Variants in NEBL observed in about 807,000 individuals in gnomAD.
NEBL encodes LIM and SH3 protein 2.
NEBL carries 122 observed loss-of-function variants against 140.2 expected under a neutral mutation model. The ratio of observed to expected loss-of-function variants is 0.87; its 90% CI spans 0.75 to 1.01. NEBL has a LOEUF of 1.01. Among genes scored for constraint, NEBL ranks in the 50% least tolerant of loss-of-function variants. The probability of loss-of-function intolerance (pLI) is 0.00; values close to 1 mark genes in which losing one functional copy is unlikely to be tolerated. For synonymous variants in NEBL, 436 were observed against 398.9 expected (o/e 1.09, Z -1.11); for missense variants, 1,365 against 1,231.3 (o/e 1.11, Z -1.62).
chr10:21,242,119 T>C (rs1842447672), intron 3 of NEBL, among the ~76,000 whole-genome samples: 4 of 152,100 alleles, frequency 2.6e-5, no homozygotes, highest in Admixed American at 2.6e-4. Flanking sequence ...GGAGAATCAC[T>C]TGAGCCTGGG....
intron 5 of NEBL, among the ~76,000 whole-genome samples, chr10:20,871,781 C>T (rs1400912251): frequency 4.6e-5 from 7 of 152,126 alleles, no homozygotes; most frequent in Middle Eastern, 3.4e-3. Context: ...AAAATAAGGC[C>T]GAAACTGAGT....
chr10:21,240,646 G>A (rs1842426623), intron 3 of NEBL, among the ~76,000 whole-genome samples: 1 of 152,192 alleles, frequency 6.6e-6, no homozygotes, highest in South Asian at 2.1e-4. Context: ...GATATTAGAT[G>A]TGTGAAATAT....
intron 3 of NEBL, among the ~76,000 whole-genome samples, chr10:21,219,073 G>T (rs1229433148): frequency 1.3e-5 from 2 of 152,160 alleles, no homozygotes; most frequent in Non-Finnish European, 2.9e-5. Context: ...TGCCACAGTG[G>T]CATATTTTGG....
At chr10:20,932,419 CT>C (rs1207063581) in intron 4 of NEBL, among the ~76,000 whole-genome samples, 1 of 149,874 alleles carries the variant, frequency 6.7e-6, no homozygotes, top group Admixed American at 6.7e-5. Flanking sequence ...GGGCCTGGGG[CT>C]GGGGGGTGGG....
chr10:21,117,242 GA>G (rs1391498364), intron 2 of NEBL, among the ~76,000 whole-genome samples: 35 of 142,860 alleles, frequency 2.4e-4, no homozygotes, highest in South Asian at 6.7e-4. Context: ...GGTGATAGGG[GA>G]AAAAAAAAAA....
intron 24 of NEBL, among the ~76,000 whole-genome samples, chr10:20,810,230 A>G (rs1054894935): frequency 1.3e-5 from 2 of 152,294 alleles, no homozygotes; most frequent in African/African-American, 4.8e-5. Flanking sequence ...ATCCCCTCAC[A>G]GCACCCCTGA....
upstream of NEBL, among the ~76,000 whole-genome samples, chr10:20,898,439 A>G (rs571693649): frequency 2.8e-4 from 26 of 93,132 alleles, no homozygotes; most frequent in African/African-American, 9.6e-4. Context: ...TTTTCAATGT[A>G]CTGTAAAAAA....
intron 2 of NEBL, among the ~76,000 whole-genome samples, chr10:21,093,423 C>A (rs1837019093): frequency 6.6e-6 from 1 of 152,062 alleles, no homozygotes; most frequent in South Asian, 2.1e-4. Flanking sequence ...CTCCTCTCAC[C>A]CATCAAGTCA....
At chr10:21,079,266 G>C in intron 2 of NEBL, among the ~76,000 whole-genome samples, 1 of 152,148 alleles carries the variant, frequency 6.6e-6, no homozygotes, top group East Asian at 1.9e-4. Context: ...AAGAAAATGA[G>C]GAGGTGAAGA....
At chr10:21,007,184 G>T (rs924334616) in intron 3 of NEBL, among the ~76,000 whole-genome samples, 16 of 152,234 alleles carry the variant, frequency 1.1e-4, no homozygotes, top group African/African-American at 3.9e-4. Flanking sequence ...TAAGTCAGGG[G>T]TCAGGTCTTT....
At chr10:20,854,236 G>C (rs916581299) in intron 9 of NEBL, among the ~76,000 whole-genome samples, 1 of 152,118 alleles carries the variant, frequency 6.6e-6, no homozygotes, top group Non-Finnish European at 1.5e-5. Context: ...CAATAGAGTG[G>C]AGGGATCCAA....
At chr10:20,961,529 G>C in intron 4 of NEBL, 1 of 736,404 alleles carries the variant, frequency 1.4e-6, no homozygotes, top group Admixed American at 1.8e-5. Context: ...GGGTTTACCA[G>C]ATGAAATTGG....
intron 3 of NEBL, among the ~76,000 whole-genome samples, chr10:21,007,720 C>T (rs1838189209): frequency 6.6e-6 from 1 of 152,116 alleles, no homozygotes; most frequent in Non-Finnish European, 1.5e-5. Context: ...AATGAACAAA[C>T]TACACAGAGA....
intron 3 of NEBL, among the ~76,000 whole-genome samples, chr10:21,188,718 A>C (rs1309689017): frequency 6.7e-6 from 1 of 149,546 alleles, no homozygotes; most frequent in African/African-American, 2.5e-5. Flanking sequence ...TTCCTGCCTC[A>C]GCCTCCCGGG....
intron 1 of NEBL, among the ~76,000 whole-genome samples, chr10:21,277,208 CTT>C (rs1260862410): frequency 6.0e-5 from 8 of 133,512 alleles, no homozygotes; most frequent in Admixed American, 7.6e-5. Context: ...ATATTTCTTT[CTT>C]TTTTTTTTTT....
At chr10:20,940,075 C>A (rs1425010532) in intron 4 of NEBL, among the ~76,000 whole-genome samples, 1 of 151,820 alleles carries the variant, frequency 6.6e-6, no homozygotes, top group Non-Finnish European at 1.5e-5. Flanking sequence ...CAGCTCTGCA[C>A]CAAGCGGACT....
chr10:21,238,354 A>G (rs1842388800), intron 3 of NEBL, among the ~76,000 whole-genome samples: 1 of 152,216 alleles, frequency 6.6e-6, no homozygotes, highest in African/African-American at 2.4e-5. Flanking sequence ...GCTCAGAGGC[A>G]TAATCTAGCT....
rs35627113 is a variant in NEBL at position 20,992,765 on chromosome 10, C to CTT, written c.249+27350_249+27351dup. 1.8e-3 allele frequency among the ~76,000 whole-genome samples: 96 copies of CTT among 52,462 alleles called. 15 individuals carry two copies. Among genetic ancestry groups the CTT allele is most frequent in the African/African-American group, 2.5e-3 (30 of 11,816 alleles). 34.4% of individuals were successfully genotyped at this position (52,462 alleles called of 152,430 possible). On this transcript the variant is annotated intron_variant, in intron 3 of 6. Transcript: ENST00000417816. ...AATCAGTCATTTGCAACTACAAAGT[C>CTT]TTTTTTTTTTTTTTTTTTTTTTTTT... is the stretch of plus-strand genomic sequence containing the variant.
At chr10:21,128,661 C>CA (rs1402968604) in intron 2 of NEBL, among the ~76,000 whole-genome samples, 1 of 150,966 alleles carries the variant, frequency 6.6e-6, no homozygotes, top group Non-Finnish European at 1.5e-5. Flanking sequence ...AGAACAAAAG[C>CA]AAAAAAAAGG....
Sources: allele counts gnomAD v4.1 joint callset (sites outside exome capture counted in the v4.1 genomes callset), GRCh38; gene constraint gnomAD v4.1.1; transcripts MANE v1.5; gene names NCBI Gene and HGNC (gene_info 2026-07-23, HGNC 2026-07-21).